CACNA2D3: variants seen among roughly 807,000 people sequenced by gnomAD.
The protein encoded by CACNA2D3 is voltage-dependent calcium channel subunit alpha-2/delta-3.
A neutral mutation model predicts 160.6 loss-of-function variants in CACNA2D3; 60 were observed. The observed-to-expected ratio is 0.37, with a 90% CI of 0.30 to 0.46. The LOEUF (loss-of-function observed/expected upper bound fraction) is 0.46. Ranked by LOEUF, CACNA2D3 falls within the 20% of genes least tolerant of loss-of-function variation. The pLI, the probability that CACNA2D3 is intolerant of heterozygous loss-of-function variation, is 1.00. For synonymous variants in CACNA2D3, 558 were observed against 492.9 expected, an observed-to-expected ratio of 1.13 and a Z score of -1.75; for missense variants, 1,205 against 1,365.0, an observed-to-expected ratio of 0.88 and a Z score of 1.85.
At chr3:54,219,418 C>G (rs1314948968) in intron 2 of CACNA2D3, among the ~76,000 whole-genome samples, 1 of 152,118 alleles carries the variant, frequency 6.6e-6, no homozygotes, top group Non-Finnish European at 1.5e-5. Context: ...CTCTGTTTTT[C>G]TAGGGACTGC....
intron 29 of CACNA2D3, among the ~76,000 whole-genome samples, chr3:54,977,419 G>A (rs1559453007): frequency 2.0e-5 from 3 of 152,082 alleles, no homozygotes. Context: ...ATTTTCAATT[G>A]ACTTTATAAT....
intron 5 of CACNA2D3, among the ~76,000 whole-genome samples, chr3:54,532,668 A>G (rs550646900): frequency 1.2e-3 from 184 of 152,350 alleles, no homozygotes; most frequent in Admixed American, 5.0e-3. Flanking sequence ...TCCATGGTAT[A>G]CATACCATAC....
At chr3:54,288,091 A>G (rs1199937844) in intron 2 of CACNA2D3, among the ~76,000 whole-genome samples, 2 of 152,234 alleles carry the variant, frequency 1.3e-5, no homozygotes, top group South Asian at 2.1e-4. Context: ...ACTGAAGGAA[A>G]TAGAGACCCA....
At chr3:54,723,390 A>T (rs1301131904) in intron 11 of CACNA2D3, among the ~76,000 whole-genome samples, 2 of 152,096 alleles carry the variant, frequency 1.3e-5, no homozygotes, top group African/African-American at 4.8e-5. Context: ...ACCCCTTTCC[A>T]GGGGAGTGAA....
chr3:54,956,759 A>G (rs55638689), intron 27 of CACNA2D3, among the ~76,000 whole-genome samples: 57,174 of 152,064 alleles, frequency 0.38, 13,321 homozygotes, highest in East Asian at 0.55. Flanking sequence ...ACCCATTTGA[A>G]TATTTAGATG....
intron 27 of CACNA2D3, among the ~76,000 whole-genome samples, chr3:54,963,726 C>T (rs1185759012): frequency 6.6e-6 from 1 of 152,116 alleles, no homozygotes; most frequent in Non-Finnish European, 1.5e-5. Context: ...AATCTCTCTT[C>T]GGTGATTTGA....
At position 54,852,514 on chromosome 3, in the gene CACNA2D3, G is replaced by C. The variant is rs75288527; in HGVS notation, c.1626+6047G>C. Among the ~76,000 whole-genome samples, 1,168 of 152,202 alleles carry C rather than the reference G, an allele frequency of 7.7e-3. 21 individuals are homozygous for C. The highest frequency in any genetic ancestry group is 0.026 in the African/African-American group (1,084 of 41,524). On this transcript the variant is annotated intron_variant, in intron 17 of 37. Coordinates refer to ENST00000474759, the MANE Select transcript of CACNA2D3 (RefSeq NM_018398.3). ...ACCTCCGCTGGAATTTAATATTGCT[G>C]TTTCCACCACCAGCTCTCCACAGCC...
At chr3:54,181,718 C>G (rs1292809340) in intron 2 of CACNA2D3, among the ~76,000 whole-genome samples, 2 of 152,110 alleles carry the variant, frequency 1.3e-5, no homozygotes, top group East Asian at 3.9e-4. Flanking sequence ...ACTTTTTAAA[C>G]AATTCTTGCG....
chr3:54,921,227 T>C (rs1700839942), intron 27 of CACNA2D3, among the ~76,000 whole-genome samples: 1 of 152,056 alleles, frequency 6.6e-6, no homozygotes. Flanking sequence ...AAATCTTGAG[T>C]CTGAACATTA....
At chr3:54,728,751 ACT>A (rs1365373535) in intron 11 of CACNA2D3, among the ~76,000 whole-genome samples, 4 of 152,086 alleles carry the variant, frequency 2.6e-5, no homozygotes, top group African/African-American at 9.7e-5. Context: ...ATTTGTCCTG[ACT>A]CTGCAGGCTT....
At chr3:54,876,970 T>C (rs1699675311) in intron 18 of CACNA2D3, 1 of 152,208 alleles carries the variant, frequency 6.6e-6, no homozygotes. Context: ...ACGGGACAGC[T>C]GGCTTGTGTC....
intron 3 of CACNA2D3, among the ~76,000 whole-genome samples, chr3:54,346,141 C>T (rs1575407655): frequency 1.3e-5 from 2 of 152,150 alleles, no homozygotes; most frequent in East Asian, 3.9e-4. Context: ...GTTGTTAGTT[C>T]AGGCCTGATT....
intron 3 of CACNA2D3, among the ~76,000 whole-genome samples, chr3:54,341,532 A>G (rs2107525915): frequency 6.6e-6 from 1 of 152,342 alleles, no homozygotes; most frequent in East Asian, 1.9e-4. Flanking sequence ...TCACCCTGGC[A>G]TCTGGTGTAC....
Position 54,763,901 on chromosome 3 carries a change from G to A in CACNA2D3, c.1247-317G>A, listed in dbSNP as rs926960730. ...TATATGTATATATATGTATGTGGGG[G>A]GGGGGGGTGCATATAAAGTTAGGGA... On this transcript the variant is annotated intron_variant, in intron 12 of 37. Transcript: ENST00000474759. Among the ~76,000 whole-genome samples the A allele has an allele frequency of 7.0e-5, 7 of 100,174 alleles. 3 individuals are homozygous for A. The highest frequency in any genetic ancestry group is 1.0e-4 in the Non-Finnish European group (5 of 48,318). 65.7% of individuals were successfully genotyped at this position (100,174 alleles called of 152,430 possible).
At chr3:55,042,657 G>A (rs1703981991) in intron 35 of CACNA2D3, among the ~76,000 whole-genome samples, 2 of 152,030 alleles carry the variant, frequency 1.3e-5, no homozygotes, top group South Asian at 2.1e-4. Context: ...GATAAAATTG[G>A]CTCCTTTTGC....
intron 8 of CACNA2D3, among the ~76,000 whole-genome samples, chr3:54,576,482 C>T (rs1415492128): frequency 6.6e-6 from 1 of 152,186 alleles, no homozygotes; most frequent in Non-Finnish European, 1.5e-5. Context: ...GATCACTTTG[C>T]TGTGTCTGTA....
intron 4 of CACNA2D3, among the ~76,000 whole-genome samples, chr3:54,497,620 G>T (rs955381802): frequency 5.3e-5 from 8 of 151,758 alleles, no homozygotes; most frequent in African/African-American, 1.9e-4. Context: ...TACAGTATTT[G>T]CCAGGACCAC....
chr3:54,383,921 T>G lies in CACNA2D3; in HGVS notation c.322-2794T>G, dbSNP rs183316429. Among the ~76,000 whole-genome samples the G allele has an allele frequency of 2.6e-3, 389 of 152,354 alleles. 1 individual carries two copies. Among genetic ancestry groups the G allele is most frequent in the African/African-American group, 8.8e-3 (365 of 41,596 alleles). On this transcript the variant is annotated intron_variant, in intron 3 of 37. Coordinates refer to ENST00000474759, the MANE Select transcript of CACNA2D3 (RefSeq NM_018398.3). ...TGGTTGAAATATACTTTATGTTTTG[T>G]TATATAGGAATATGTTACATAGTTT... is the stretch of plus-strand genomic sequence containing the variant.
chr3:54,125,299 T>C (rs1699568568), intron 2 of CACNA2D3, among the ~76,000 whole-genome samples: 2 of 151,630 alleles, frequency 1.3e-5, no homozygotes, highest in African/African-American at 2.4e-5. Context: ...TCAACCTTAT[T>C]ATTTGCTACT....
Sources: allele counts gnomAD v4.1 joint callset (sites outside exome capture counted in the v4.1 genomes callset), GRCh38; gene constraint gnomAD v4.1.1; transcripts MANE v1.5; gene names NCBI Gene and HGNC (gene_info 2026-07-23, HGNC 2026-07-21).